Variants in AATF observed in about 807,000 individuals in gnomAD.
AATF encodes the protein apoptosis antagonizing transcription factor.
Under a neutral mutation model 63.7 loss-of-function variants are expected in AATF, and 48 were observed. The observed-to-expected ratio is 0.75, with a 90% confidence interval of 0.60 to 0.96. The LOEUF (loss-of-function observed/expected upper bound fraction) is 0.96, where lower values mean the gene tolerates loss of function less well. Ranked by LOEUF, AATF falls within the 40% of genes least tolerant of loss-of-function variation. The pLI is 0.00. For missense variants in AATF, 639 were observed against 685.7 expected, an observed-to-expected ratio of 0.93 and a Z score of 0.76; for synonymous variants, 258 against 247.7, an observed-to-expected ratio of 1.04 and a Z score of -0.39.
At chr17:36,969,729 G>A (rs73283986) in intron 4 of AATF, among the ~76,000 whole-genome samples, 5,600 of 152,068 alleles carry the variant, frequency 0.037, 348 homozygotes, top group African/African-American at 0.13. Flanking sequence ...ATATACACCC[G>A]GGAAACCATC....
chr17:36,950,102 G>A (rs1567961358), intron 1 of AATF, 112 bp from the exon 2 acceptor site: 1 of 1,169,414 alleles, frequency 8.6e-7, no homozygotes, highest in Non-Finnish European at 1.2e-6. Flanking sequence ...CTGGAAGTTG[G>A]TGGGGATTTC....
intron 8 of AATF, among the ~76,000 whole-genome samples, chr17:37,011,863 G>A (rs1039556478): frequency 6.6e-6 from 1 of 152,186 alleles, no homozygotes; most frequent in African/African-American, 2.4e-5. Context: ...AGGTGGTGGA[G>A]TTGTTGGTTC....
chr17:36,999,189 G>A (rs2071276201), intron 8 of AATF: 3 of 152,148 alleles, frequency 2.0e-5, no homozygotes, highest in South Asian at 4.1e-4. Context: ...TTGGTGATAG[G>A]TAGAAGAGGG....
chr17:36,960,777 A>G (rs2070940850), intron 4 of AATF, among the ~76,000 whole-genome samples: 1 of 152,210 alleles, frequency 6.6e-6, no homozygotes, highest in Non-Finnish European at 1.5e-5. Context: ...AACATTGTGT[A>G]GGCTTAAGGA....
At chr17:37,020,064 C>T (rs1218921960) in intron 9 of AATF, among the ~76,000 whole-genome samples, 1 of 151,912 alleles carries the variant, frequency 6.6e-6, no homozygotes, top group African/African-American at 2.4e-5. Context: ...GCTGCTGCTG[C>T]TGTTTCTCCT....
chr17:36,954,843 T>A (rs2070886627), intron 4 of AATF, among the ~76,000 whole-genome samples: 1 of 152,324 alleles, frequency 6.6e-6, no homozygotes, highest in East Asian at 1.9e-4. Context: ...TGCTTGCCTG[T>A]GTGCCCAGTG....
chr17:36,997,819 C>T (rs1452089124), intron 8 of AATF, among the ~76,000 whole-genome samples: 1 of 152,164 alleles, frequency 6.6e-6, no homozygotes, highest in Non-Finnish European at 1.5e-5. Context: ...ATCATGGAGC[C>T]AACCCAAATG....
In AATF at chr17:36,989,280, C is replaced by T. The variant is rs1204091853; in HGVS notation, c.1183C>T (p.Gln395Ter). 2 of 1,613,660 alleles carry T rather than the reference C, an allele frequency of 1.2e-6. No individual in the cohort carries two copies. Residue 395 changes from glutamine to a stop codon, truncating the protein, a stop_gained, in exon 7 of 12, where the codon CAG (glutamine) becomes TAG (stop). Transcript: ENST00000619387. LOFTEE classifies it high-confidence loss of function. ...TGCCTTTGAACGCTCAATCTTGACT[C>T]AGATCGACCATATTCTGATGGACAA... ...FGAFERSILT[Q>*]IDHILMDKER... is the part of the protein sequence containing the mutation.
At chr17:36,966,070 TTTTC>T (rs2070989285) in intron 4 of AATF, among the ~76,000 whole-genome samples, 1 of 152,160 alleles carries the variant, frequency 6.6e-6, no homozygotes, top group Admixed American at 6.5e-5. Context: ...TCTTTAATAA[TTTTC>T]TTCCTTCCAT....
rs766437262 is a variant in AATF at position 37,020,951 on chromosome 17, A to G, written c.1484A>G (p.Gln495Arg). 1.2e-6 allele frequency: 2 copies of G among 1,611,888 alleles called. No individual in the cohort carries two copies. Among genetic ancestry groups the G allele is most frequent in the Non-Finnish European group, 1.7e-6 (2 of 1,179,042 alleles). ...TTTTCCAGGCAGTGGCTTGCAATCC[A>G]GAAGTTACGAAGCAAAATCCACAAA... ...VAMGRQWLAI[Q>R]KLRSKIHKKV... The change falls in exon 10 of 12, where the codon CAG (glutamine) becomes CGG (arginine). Residue 495 changes from glutamine to arginine, a missense_variant. Coordinates refer to ENST00000619387, the MANE Select transcript of AATF (RefSeq NM_012138.4).
intron 8 of AATF, among the ~76,000 whole-genome samples, chr17:37,006,867 C>T (rs556700665): frequency 2.6e-5 from 4 of 152,150 alleles, no homozygotes; most frequent in East Asian, 1.9e-4. Context: ...GCGCTAGCTC[C>T]GGAGTGGAGG....
intron 10 of AATF, among the ~76,000 whole-genome samples, chr17:37,024,469 G>A (rs1195809654): frequency 6.6e-6 from 1 of 152,190 alleles, no homozygotes; most frequent in African/African-American, 2.4e-5. Context: ...ACCTCTGGCT[G>A]TTGAGTTGTT....
At chr17:36,971,224 A>G (rs1158407069) in intron 4 of AATF, among the ~76,000 whole-genome samples, 1 of 152,214 alleles carries the variant, frequency 6.6e-6, no homozygotes, top group Admixed American at 6.5e-5. Flanking sequence ...TCAAAACTCA[A>G]CAATAAAAAA....
chr17:36,986,089 G>A (rs1027885092), intron 4 of AATF, among the ~76,000 whole-genome samples: 2 of 152,192 alleles, frequency 1.3e-5, no homozygotes, highest in African/African-American at 4.8e-5. Flanking sequence ...GAAGGATGTG[G>A]CAGCTCAAAC....
intron 11 of AATF, among the ~76,000 whole-genome samples, chr17:37,034,362 C>G (rs2071574176): frequency 6.6e-6 from 1 of 151,976 alleles, no homozygotes; most frequent in Admixed American, 6.5e-5. Context: ...GCTTATCCTC[C>G]TTTGTTTTTT....
rs541032378 is a variant in AATF at position 37,040,581 on chromosome 17, G to A, written c.1619+8896G>A. 2.0e-4 allele frequency among the ~76,000 whole-genome samples: 30 copies of A among 152,276 alleles called. No homozygotes were observed. In the South Asian group the frequency reaches 6.2e-3, roughly 32 times the overall value. ...AGCAAGTAAGTAGTGGAACAGGTGTGTGCATCTAAGAGTGTGGTCCCAACC... is the reference window on the plus strand; with the variant it reads ...AGCAAGTAAGTAGTGGAACAGGTGTATGCATCTAAGAGTGTGGTCCCAACC... On this transcript the variant is annotated intron_variant, in intron 11 of 11. Transcript: ENST00000619387.
In AATF at chr17:36,995,651, T is replaced by C. The variant is rs2142257262; in HGVS notation, c.1398+4794T>C. ...GGTGCGATCTCAGCTCACTGTGACC[T>C]CGACCTCCTGGGCTCAAGCAATCCT... On this transcript the variant is annotated intron_variant, in intron 8 of 11. Transcript: ENST00000619387. Among the ~76,000 whole-genome samples the C allele has an allele frequency of 1.3e-5, 2 of 152,258 alleles. 1 individual carries two copies. Among genetic ancestry groups the C allele is most frequent in the South Asian group, 4.1e-4 (2 of 4,820 alleles).
At chr17:36,993,560 CTTTA>C (rs2071231490) in intron 8 of AATF, among the ~76,000 whole-genome samples, 1 of 152,166 alleles carries the variant, frequency 6.6e-6, no homozygotes, top group Non-Finnish European at 1.5e-5. Context: ...AAGTGCTTTC[CTTTA>C]TTTGTCAGAG....
intron 11 of AATF, among the ~76,000 whole-genome samples, chr17:37,037,428 A>G (rs2071602523): frequency 6.6e-6 from 1 of 152,244 alleles, no homozygotes; most frequent in African/African-American, 2.4e-5. Flanking sequence ...TCCTCTAAGC[A>G]TATTATCACC....
Sources: allele counts gnomAD v4.1 joint callset (sites outside exome capture counted in the v4.1 genomes callset), GRCh38; gene constraint gnomAD v4.1.1; transcripts MANE v1.5; gene names NCBI Gene and HGNC (gene_info 2026-07-23, HGNC 2026-07-21).